The following DNAAF11 variants were observed in gnomAD, a reference collection of about 807,000 sequenced individuals.
The protein encoded by DNAAF11 is leucine rich repeat containing 6.
In DNAAF11, 45 loss-of-function variants were observed where a neutral mutation model predicts 60.8. The observed-to-expected ratio is 0.74, with a 90% CI of 0.58 to 0.95. The LOEUF (loss-of-function observed/expected upper bound fraction) is 0.95. DNAAF11 is among the 40% of genes least tolerant of loss of function. The pLI is 0.00. For synonymous variants in DNAAF11, 191 were observed against 183.5 expected (o/e 1.04, Z -0.33); for missense variants, 546 against 546.2 (o/e 1.00, Z 0.00).
chr8:132,675,202 T>C (rs1337398406), intron 1 of DNAAF11: 1 of 410,294 alleles, frequency 2.4e-6, no homozygotes, highest in Non-Finnish European at 4.4e-6. Flanking sequence ...CCCGACCCCT[T>C]TCCTGGAGTC....
intron 10 of DNAAF11, among the ~76,000 whole-genome samples, chr8:132,586,204 T>C (rs1815872336): frequency 6.6e-6 from 1 of 152,076 alleles, no homozygotes; most frequent in African/African-American, 2.4e-5. Flanking sequence ...CTCCAAGAGA[T>C]GTGGCTGTGT....
the DNAAF11 span, among the ~76,000 whole-genome samples, chr8:132,688,698 A>G: frequency 6.6e-6 from 1 of 152,180 alleles, no homozygotes; most frequent in Non-Finnish European, 1.5e-5. Context: ...GGAGAGAAGA[A>G]CAAAAAGGTG....
intron 3 of DNAAF11, among the ~76,000 whole-genome samples, chr8:132,646,331 A>C (rs1822380787): frequency 6.6e-6 from 1 of 152,244 alleles, no homozygotes; most frequent in Non-Finnish European, 1.5e-5. Context: ...GAGCTCCTGA[A>C]GGAAGCACTA....
chr8:132,655,650 G>A (rs1479743508), intron 3 of DNAAF11, among the ~76,000 whole-genome samples: 1 of 152,070 alleles, frequency 6.6e-6, no homozygotes, highest in Non-Finnish European at 1.5e-5. Flanking sequence ...TTAAAAATGG[G>A]CCAAACCTTT....
intron 10 of DNAAF11, among the ~76,000 whole-genome samples, chr8:132,602,593 A>T (rs1327023547): frequency 6.6e-6 from 1 of 152,054 alleles, no homozygotes; most frequent in South Asian, 2.1e-4. Context: ...TAATGCCCAC[A>T]GCAACTGTGG....
intron 2 of DNAAF11, among the ~76,000 whole-genome samples, chr8:132,657,468 A>G (rs529048887): frequency 4.9e-4 from 74 of 152,302 alleles, no homozygotes; most frequent in African/African-American, 1.8e-3. Context: ...GAGAGAAGGA[A>G]TCAACCAACC....
In DNAAF11 at chr8:132,660,591, C is replaced by T. The variant is rs149256687; in HGVS notation, c.178+869G>A. ...CATTAGAGTAACTCCACAGGCCTCC[C>T]TTCCCTCTTCCCTTTAATTCATCAT... On this transcript the variant is annotated intron_variant, in intron 2 of 11. Transcript: ENST00000620350. Among the ~76,000 whole-genome samples the T allele has an allele frequency of 2.4e-3, 363 of 152,312 alleles. 4 individuals carry two copies. Among genetic ancestry groups the T allele is most frequent in the African/African-American group, 8.3e-3 (347 of 41,570 alleles).
chr8:132,615,131 T>G (rs1360746965), intron 7 of DNAAF11, 34 bp from the exon 8 acceptor site: 1 of 1,328,246 alleles, frequency 7.5e-7, no homozygotes, highest in Admixed American at 1.7e-5. Context: ...AAAAAAGAGA[T>G]GTCTTTAGGA....
At chr8:132,628,706 A>G (rs1820519450) in intron 5 of DNAAF11, among the ~76,000 whole-genome samples, 1 of 152,162 alleles carries the variant, frequency 6.6e-6, no homozygotes, top group Non-Finnish European at 1.5e-5. Flanking sequence ...CAGAATGTCT[A>G]CGTTTCTGTT....
chr8:132,584,734 A>G (rs1345040410), intron 10 of DNAAF11, among the ~76,000 whole-genome samples: 1 of 152,042 alleles, frequency 6.6e-6, no homozygotes, highest in Non-Finnish European at 1.5e-5. Context: ...GGGCAGGGTC[A>G]TTATCTCAAG....
intron 2 of DNAAF11, among the ~76,000 whole-genome samples, chr8:132,660,055 G>A (rs764870827): frequency 3.9e-5 from 6 of 152,122 alleles, no homozygotes; most frequent in Non-Finnish European, 5.9e-5. Context: ...GGGCACACAG[G>A]GGTTGGCACT....
chr8:132,603,941 G>A (rs1817892057), intron 10 of DNAAF11, among the ~76,000 whole-genome samples: 1 of 152,142 alleles, frequency 6.6e-6, no homozygotes, highest in Non-Finnish European at 1.5e-5. Context: ...ACCACAGACA[G>A]TTCATTCATA....
chr8:132,580,459 G>GGTGA (rs1388064120), intron 11 of DNAAF11, among the ~76,000 whole-genome samples: 1 of 152,198 alleles, frequency 6.6e-6, no homozygotes, highest in East Asian at 1.9e-4. Context: ...ACTACTTAGT[G>GGTGA]GTGATGGTCG....
chr8:132,673,247 A>C (rs1825360474), intron 1 of DNAAF11, among the ~76,000 whole-genome samples: 2 of 152,058 alleles, frequency 1.3e-5, no homozygotes, highest in South Asian at 4.1e-4. Context: ...TGTGTGATTT[A>C]CTCTCTGTGC....
chr8:132,602,573 T>C lies in DNAAF11; in HGVS notation c.1140+7593A>G, dbSNP rs1015702590. Among the ~76,000 whole-genome samples, 6 of 152,098 alleles carry C rather than the reference T, an allele frequency of 3.9e-5. No homozygotes were observed. In the South Asian group the frequency reaches 6.2e-4, roughly 16 times the overall value. On this transcript the variant is annotated intron_variant, in intron 10 of 11. Coordinates refer to ENST00000620350, the MANE Select transcript of DNAAF11 (RefSeq NM_012472.6). ...TTAAAACAGTGTTTTACAGTCTGTTTCTAACAATTTAATGCCCACAGCAAC... is the reference window on the plus strand; with the variant it reads ...TTAAAACAGTGTTTTACAGTCTGTTCCTAACAATTTAATGCCCACAGCAAC...
At chr8:132,691,175 C>A in the DNAAF11 span, among the ~76,000 whole-genome samples, 1 of 147,606 alleles carries the variant, frequency 6.8e-6, no homozygotes, top group African/African-American at 2.7e-5. Flanking sequence ...TTAGTTATTT[C>A]ATTACTTATT....
At chr8:132,611,466 G>A (rs532573923) in intron 8 of DNAAF11, 103 bp from the exon 9 acceptor site, 17 of 595,144 alleles carry the variant, frequency 2.9e-5, no homozygotes, top group African/African-American at 1.8e-4. Context: ...AATGAAGGGC[G>A]TTTAAAATAT....
chr8:132,639,517 G>T (rs1821649601), intron 3 of DNAAF11, among the ~76,000 whole-genome samples: 1 of 152,116 alleles, frequency 6.6e-6, no homozygotes, highest in South Asian at 2.1e-4. Context: ...TCACCAATAT[G>T]AATTTGATTC....
chr8:132,700,772 G>C, the DNAAF11 span, among the ~76,000 whole-genome samples: 1 of 152,182 alleles, frequency 6.6e-6, no homozygotes, highest in Non-Finnish European at 1.5e-5. Flanking sequence ...TTTGGGGTCT[G>C]GGTTTGAGAT....
Sources: allele counts gnomAD v4.1 joint callset (sites outside exome capture counted in the v4.1 genomes callset), GRCh38; gene constraint gnomAD v4.1.1; transcripts MANE v1.5; gene names NCBI Gene and HGNC (gene_info 2026-07-23, HGNC 2026-07-21).